Variants in TANC2 observed in about 807,000 individuals in gnomAD.
TANC2 encodes the protein tetratricopeptide repeat, ankyrin repeat and coiled-coil containing 2.
Under a neutral mutation model 210.5 loss-of-function variants are expected in TANC2, and 26 were observed. The observed-to-expected ratio is 0.12, with a 90% confidence interval of 0.09 to 0.17. The LOEUF (loss-of-function observed/expected upper bound fraction) is 0.17. TANC2 is among the 10% of genes least tolerant of loss of function. The pLI is 1.00. For missense variants in TANC2, 2,129 were observed against 2,608.9 expected (o/e 0.82, Z 4.01); for synonymous variants, 931 against 967.1 (o/e 0.96, Z 0.69).
At position 63,124,495 on chromosome 17, in the gene TANC2, C is replaced by G. The variant is rs182635471; in HGVS notation, c.322+25138C>G. 1.8e-4 allele frequency among the ~76,000 whole-genome samples: 27 copies of G among 152,134 alleles called. No individual in the cohort carries two copies. The East Asian group carries it at 4.8e-3, about 27-fold the overall frequency. The stretch of plus-strand genomic sequence containing the variant: ...CTTAGCTGCAGTGGTCTACATTTGG[C>G]AAATATTTGTATTCTGTTTCATTAA... On this transcript the variant is annotated intron_variant, in intron 4 of 27. Transcript: ENST00000689528.
At chr17:63,107,827 G>A (rs963984107) in intron 4 of TANC2, among the ~76,000 whole-genome samples, 2 of 151,696 alleles carry the variant, frequency 1.3e-5, no homozygotes, top group Non-Finnish European at 2.9e-5. Context: ...ACCAACGATG[G>A]TATAGGTAGT....
At chr17:63,147,533 C>G (rs769647460) in intron 4 of TANC2, among the ~76,000 whole-genome samples, 4 of 152,128 alleles carry the variant, frequency 2.6e-5, no homozygotes, top group Admixed American at 2.0e-4. Context: ...GTGTGCCATA[C>G]GATCACCTGC....
chr17:63,197,946 A>G (rs1248247345), intron 6 of TANC2, among the ~76,000 whole-genome samples: 3 of 152,188 alleles, frequency 2.0e-5, no homozygotes, highest in Non-Finnish European at 4.4e-5. Context: ...TGTTTTCTAA[A>G]TGGCTTGATA....
chr17:63,050,541 A>G (rs990594875), intron 2 of TANC2, among the ~76,000 whole-genome samples: 3 of 152,182 alleles, frequency 2.0e-5, no homozygotes, highest in Admixed American at 6.5e-5. Context: ...TACAGATTAA[A>G]AAGTGAGCCC....
At chr17:63,080,130 T>C (rs2036718943) in intron 3 of TANC2, among the ~76,000 whole-genome samples, 1 of 152,210 alleles carries the variant, frequency 6.6e-6, no homozygotes, top group African/African-American at 2.4e-5. Context: ...AATAGCAGGG[T>C]CTTTGCATAC....
chr17:63,397,545 T>G (rs1180385253), intron 18 of TANC2, among the ~76,000 whole-genome samples: 2 of 152,206 alleles, frequency 1.3e-5, no homozygotes, highest in Non-Finnish European at 2.9e-5. Context: ...CTGAATCCTC[T>G]TTCAGCTTTA....
chr17:63,255,906 T>TTC (rs200823273), intron 8 of TANC2, among the ~76,000 whole-genome samples: 292 of 121,390 alleles, frequency 2.4e-3, no homozygotes, highest in African/African-American at 6.9e-3. Flanking sequence ...GACTTTTCTT[T>TTC]TTTTTTTTTT....
intron 5 of TANC2, chr17:63,153,972 G>C (rs1173738344): frequency 3.3e-5 from 5 of 150,516 alleles, no homozygotes; most frequent in African/African-American, 1.2e-4. Context: ...CTACTCTGGA[G>C]TATAGCTGTT....
intron 3 of TANC2, among the ~76,000 whole-genome samples, chr17:63,075,582 G>C (rs1421553550): frequency 6.6e-6 from 1 of 152,088 alleles, no homozygotes; most frequent in Admixed American, 6.5e-5. Context: ...CTGGAGTGCA[G>C]AGTGCAATGG....
chr17:62,980,738 T>C (rs1028223723), intron 1 of TANC2, among the ~76,000 whole-genome samples: 1 of 152,122 alleles, frequency 6.6e-6, no homozygotes, highest in East Asian at 1.9e-4. Context: ...TCTTTATCAG[T>C]TTCTGACATT....
At chr17:63,342,073 T>G (rs1049600330) in intron 12 of TANC2, among the ~76,000 whole-genome samples, 1 of 152,176 alleles carries the variant, frequency 6.6e-6, no homozygotes, top group Non-Finnish European at 1.5e-5. Flanking sequence ...AAGGACCAGC[T>G]TAAATGCTAC....
At chr17:63,373,519 G>C (rs1355503429) in intron 14 of TANC2, among the ~76,000 whole-genome samples, 2 of 152,128 alleles carry the variant, frequency 1.3e-5, no homozygotes, top group African/African-American at 4.8e-5. Context: ...AGTAGAACTA[G>C]ATTTCAAAAA....
intron 4 of TANC2, among the ~76,000 whole-genome samples, chr17:63,135,724 A>C (rs1218918448): frequency 1.3e-5 from 2 of 152,154 alleles, no homozygotes; most frequent in Admixed American, 1.3e-4. Context: ...AGCTACTTTA[A>C]AACTCAGAAG....
At chr17:63,396,049 G>A in intron 18 of TANC2, 121 bp downstream of exon 18, 1 of 897,484 alleles carries the variant, frequency 1.1e-6, no homozygotes, top group Non-Finnish European at 1.7e-6. Context: ...CGTGATCGCT[G>A]CTCTGAATAA....
chr17:63,048,134 T>TC (rs2035449608), intron 2 of TANC2, among the ~76,000 whole-genome samples: 2 of 152,090 alleles, frequency 1.3e-5, no homozygotes, highest in Admixed American at 1.3e-4. Flanking sequence ...GATTAAAAAA[T>TC]CCTTTCTAGG....
rs545743264 is a variant in TANC2, at chr17:63,208,832, A to G, written c.769+7875A>G. On this transcript the variant is annotated intron_variant, in intron 7 of 27. Transcript: ENST00000689528. The stretch of plus-strand genomic sequence containing the variant: ...TCTTACCTATTGCATAGAAATATGT[A>G]GAGATTTGTGTATTGTATTCAGCAC... Among the ~76,000 whole-genome samples, 13 of 152,284 alleles carry G rather than the reference A, an allele frequency of 8.5e-5. No individual in the cohort carries two copies. The South Asian group carries it at 2.5e-3, about 29-fold the overall frequency.
chr17:63,354,151 A>G (rs1044402369), intron 13 of TANC2, among the ~76,000 whole-genome samples: 1 of 152,132 alleles, frequency 6.6e-6, no homozygotes, highest in Non-Finnish European at 1.5e-5. Context: ...GATGGAATCC[A>G]GTGCATAGGA....
chr17:63,160,787 A>C (rs538641227), intron 5 of TANC2, among the ~76,000 whole-genome samples: 2 of 152,206 alleles, frequency 1.3e-5, no homozygotes, highest in Non-Finnish European at 2.9e-5. Context: ...CAGAACTTTC[A>C]CCAATACTAC....
intron 14 of TANC2, among the ~76,000 whole-genome samples, chr17:63,375,739 T>A (rs1282268172): frequency 6.6e-6 from 1 of 152,174 alleles, no homozygotes; most frequent in Non-Finnish European, 1.5e-5. Flanking sequence ...CCATATGGTC[T>A]GTTAAAATAA....
Sources: gnomAD v4.1 joint callset for allele counts (sites outside exome capture counted in the v4.1 genomes callset) on GRCh38, gnomAD v4.1.1 for gene constraint, MANE v1.5 for transcripts, NCBI Gene and HGNC (gene_info 2026-07-23, HGNC 2026-07-21) for gene names.